Variants in TUB observed in about 807,000 individuals in gnomAD.
TUB encodes the protein TUB bipartite transcription factor, also known as tubby protein homolog.
TUB carries 33 observed loss-of-function variants against 59.7 expected under a neutral mutation model. That is an observed-to-expected ratio of 0.55 (90% CI 0.42 to 0.74). TUB has a LOEUF of 0.74. TUB is among the 30% of genes least tolerant of loss of function. The pLI, the probability that TUB is intolerant of heterozygous loss-of-function variation, is 0.00. For synonymous variants in TUB, 293 were observed against 256.4 expected, an observed-to-expected ratio of 1.14 and a Z score of -1.36; for missense variants, 659 against 672.0, an observed-to-expected ratio of 0.98 and a Z score of 0.21.
chr11:8,089,628 C>T lies in TUB; in HGVS notation c.57C>T (p.Gly19=), dbSNP rs773606220. The change falls in exon 2 of 12, where the codon GGC becomes GGT. Residue 19 remains glycine, a synonymous_variant. Coordinates refer to ENST00000299506, the MANE Select transcript of TUB (RefSeq NM_177972.3). ...WIPYSVLDDE[G]RNLRQQKLDR... The stretch of plus-strand genomic sequence containing the variant: ...TCTGCAGTGTCTTAGATGATGAGGG[C>T]AGAAACCTGAGGCAGCAGAAGCTTG... 1.2e-6 allele frequency: 2 copies of T among 1,614,152 alleles called. No individual in the cohort carries two copies. The highest frequency in any genetic ancestry group is 8.5e-7 in the Non-Finnish European group (1 of 1,180,012).
chr11:8,031,423 A>T (rs908390439), intron 1 of TUB, among the ~76,000 whole-genome samples: 1 of 152,156 alleles, frequency 6.6e-6, no homozygotes, highest in Non-Finnish European at 1.5e-5. Flanking sequence ...GCACTCAAGG[A>T]TTAAGCAGGA....
intron 2 of TUB, among the ~76,000 whole-genome samples, chr11:8,053,831 C>T (rs1007923535): frequency 6.9e-6 from 1 of 145,476 alleles, no homozygotes; most frequent in African/African-American, 2.5e-5. Flanking sequence ...GTTTGAAATA[C>T]TTGGCCGGGC....
chr11:8,089,486 C>T (rs1943730294), intron 1 of TUB, 124 bp from the exon 2 acceptor site: 2 of 1,163,426 alleles, frequency 1.7e-6, no homozygotes, highest in Non-Finnish European at 2.5e-6. Flanking sequence ...CATGTGGGCT[C>T]ACTGAGTCCC....
upstream of TUB, among the ~76,000 whole-genome samples, chr11:8,036,677 T>C (rs1207020236): frequency 6.6e-6 from 1 of 152,186 alleles, no homozygotes; most frequent in Admixed American, 6.5e-5. Context: ...ATAATCACCA[T>C]CCAGCAGCTT....
chr11:8,086,450 G>A (rs1943667368), intron 1 of TUB, among the ~76,000 whole-genome samples: 1 of 152,184 alleles, frequency 6.6e-6, no homozygotes, highest in Non-Finnish European at 1.5e-5. Flanking sequence ...CCTGGAGACA[G>A]CCATCGCAGT....
At chr11:8,074,163 T>C (rs1943407640) in intron 2 of TUB, among the ~76,000 whole-genome samples, 1 of 151,940 alleles carries the variant, frequency 6.6e-6, no homozygotes, top group African/African-American at 2.4e-5. Context: ...CTCTTAACAT[T>C]GGGGGTGGGG....
intron 1 of TUB, among the ~76,000 whole-genome samples, chr11:8,085,861 G>C (rs180884262): frequency 1.4e-3 from 211 of 152,340 alleles, no homozygotes; most frequent in African/African-American, 4.8e-3. Context: ...AATTGTCCTT[G>C]TGTCCTTGCC....
At chr11:8,076,687 G>A (rs1049396664), upstream of TUB, 3 of 152,192 alleles carry the variant, frequency 2.0e-5, no homozygotes, top group Non-Finnish European at 4.4e-5. Context: ...TGATAGCTGT[G>A]TATGATCCAG....
intron 1 of TUB, among the ~76,000 whole-genome samples, chr11:8,028,011 C>T (rs542905845): frequency 6.6e-5 from 10 of 152,100 alleles, no homozygotes; most frequent in African/African-American, 2.4e-4. Flanking sequence ...TTTGAGAAAC[C>T]GTGAAACTGT....
intron 2 of TUB, among the ~76,000 whole-genome samples, chr11:8,061,588 G>A (rs1250903050): frequency 1.3e-5 from 2 of 152,106 alleles, no homozygotes; most frequent in East Asian, 3.9e-4. Flanking sequence ...AGAGTAGGAC[G>A]AGGACAGTCG....
chr11:8,071,554 G>A (rs558428240), intron 2 of TUB, among the ~76,000 whole-genome samples: 8 of 152,260 alleles, frequency 5.3e-5, no homozygotes, highest in Non-Finnish European at 1.2e-4. Context: ...GTGAGAACAT[G>A]GGCCTACAAC....
intron 1 of TUB, chr11:8,039,459 G>A (rs1379929791): frequency 9.1e-6 from 4 of 441,542 alleles, no homozygotes; most frequent in Admixed American, 4.6e-5. Flanking sequence ...GCCATCCGGG[G>A]CCCACAGAGT....
intron 2 of TUB, among the ~76,000 whole-genome samples, chr11:8,046,914 CT>C (rs1942843234): frequency 6.6e-6 from 1 of 152,170 alleles, no homozygotes; most frequent in Non-Finnish European, 1.5e-5. Context: ...AGCTGCTTCA[CT>C]TTTTTAAAAT....
intron 2 of TUB, among the ~76,000 whole-genome samples, chr11:8,066,225 G>T (rs548318057): frequency 6.6e-6 from 1 of 152,176 alleles, no homozygotes; most frequent in African/African-American, 2.4e-5. Flanking sequence ...CAACAGGTCT[G>T]CTCAGACGCT....
chr11:8,090,098 G>T lies in TUB; in HGVS notation c.120G>T (p.Lys40Asn), dbSNP rs1457430266. 3 of 1,611,894 alleles carry T rather than the reference G, an allele frequency of 1.9e-6. No homozygotes were observed. The highest frequency in any genetic ancestry group is 1.3e-5 in the African/African-American group (1 of 75,036). Reference protein sequence around the residue: ...QRALLEQKQKKKRQEPLMVQA... With the variant: ...QRALLEQKQKNKRQEPLMVQA... ...CCCTGCTGGAGCAGAAGCAGAAGAA[G>T]AAGCGCCAGGAGCCCCTGATGGTGC... The change falls in exon 3 of 12, where the codon AAG (lysine) becomes AAT (asparagine). Residue 40 changes from lysine to asparagine, a missense_variant. This residue lies in a region of TUB where 321 missense variants were observed against 304.3 expected (regional missense o/e 1.05). Transcript: ENST00000299506.
intron 2 of TUB, among the ~76,000 whole-genome samples, chr11:8,047,243 C>A (rs1262046843): frequency 6.6e-6 from 1 of 152,190 alleles, no homozygotes; most frequent in Non-Finnish European, 1.5e-5. Flanking sequence ...CCTGTCTTCA[C>A]CTGGTAGACT....
At chr11:8,038,665 G>A (rs540092869) in exon 1 of TUB, 7 of 1,370,988 alleles carry the variant, frequency 5.1e-6, no homozygotes, top group Non-Finnish European at 6.6e-6. Context: ...GAAGGGTTTG[G>A]GGGGAGACTG....
rs569760785 is a variant in TUB, at chr11:8,101,861, G to T, written c.*242G>T. 3 of 568,548 alleles carry T rather than the reference G, an allele frequency of 5.3e-6. No homozygotes were observed. Among genetic ancestry groups the T allele is most frequent in the Non-Finnish European group, 6.0e-6 (2 of 331,938 alleles). 35.2% of individuals were successfully genotyped at this position (568,548 alleles called of 1,614,324 possible). A position where few individuals can be genotyped will look rare whatever the true frequency, so the allele number is the denominator to read the frequency against. Reference sequence around the variant, plus strand: ...ATGAGAATAATTCTTTCCATGCCACGAGATCAACACACACTCCCACCCTTG... The same window carrying T: ...ATGAGAATAATTCTTTCCATGCCACTAGATCAACACACACTCCCACCCTTG... On this transcript the variant is annotated 3_prime_UTR_variant, in exon 12 of 12. Coordinates refer to ENST00000299506, the MANE Select transcript of TUB (RefSeq NM_177972.3).
At chr11:8,085,724 C>T (rs1943653350) in intron 1 of TUB, among the ~76,000 whole-genome samples, 1 of 152,186 alleles carries the variant, frequency 6.6e-6, no homozygotes, top group African/African-American at 2.4e-5. Context: ...TCCCTAGATT[C>T]CCTGACCCCT....
Sources: allele counts gnomAD v4.1 joint callset (sites outside exome capture counted in the v4.1 genomes callset), GRCh38; gene constraint gnomAD v4.1.1; regional missense constraint gnomAD v4.1.1; transcripts MANE v1.5; gene names NCBI Gene and HGNC (gene_info 2026-07-23, HGNC 2026-07-21).